TAFA1: variants seen among roughly 807,000 people sequenced by gnomAD.
TAFA1 encodes the protein chemokine-like protein TAFA-1.
TAFA1 carries 4 observed loss-of-function variants against 18.5 expected under a neutral mutation model. The ratio of observed to expected loss-of-function variants is 0.22; its 90% CI spans 0.11 to 0.49. TAFA1 has a LOEUF of 0.49. TAFA1 is among the 20% of genes least tolerant of loss of function. TAFA1 has a pLI of 0.98. For missense variants in TAFA1, 147 were observed against 169.0 expected, an observed-to-expected ratio of 0.87 and a Z score of 0.72; for synonymous variants, 56 against 55.2, an observed-to-expected ratio of 1.01 and a Z score of -0.06.
chr3:68,227,143 CTGTT>C (rs1325657833), intron 2 of TAFA1, among the ~76,000 whole-genome samples: 1 of 148,594 alleles, frequency 6.7e-6, no homozygotes, highest in East Asian at 1.9e-4. Context: ...CTCAAAATGT[CTGTT>C]TTTTTTTGTT....
chr3:68,163,765 T>C (rs547396134), intron 2 of TAFA1, among the ~76,000 whole-genome samples: 1 of 152,318 alleles, frequency 6.6e-6, no homozygotes, highest in South Asian at 2.1e-4. Context: ...ATGGATGAAC[T>C]AATTAAAGAG....
chr3:68,022,492 G>T (rs1257842289), intron 2 of TAFA1, among the ~76,000 whole-genome samples: 2 of 151,958 alleles, frequency 1.3e-5, no homozygotes, highest in African/African-American at 4.8e-5. Context: ...GTGGGGGGAA[G>T]GGTCTAAGAC....
intron 3 of TAFA1, among the ~76,000 whole-genome samples, chr3:68,424,140 CA>C (rs2071011152): frequency 6.6e-6 from 1 of 151,976 alleles, no homozygotes. Flanking sequence ...TGTGAAGAAA[CA>C]AAACTTACAA....
chr3:68,530,628 T>C (rs1201050948), intron 3 of TAFA1, among the ~76,000 whole-genome samples: 1 of 152,086 alleles, frequency 6.6e-6, no homozygotes, highest in Non-Finnish European at 1.5e-5. Flanking sequence ...TTTAATTAAC[T>C]CAGTTCTAGG....
At chr3:68,076,180 G>A (rs927761124) in intron 2 of TAFA1, among the ~76,000 whole-genome samples, 2 of 152,118 alleles carry the variant, frequency 1.3e-5, no homozygotes, top group Non-Finnish European at 2.9e-5. Context: ...TTTACTTGTG[G>A]TGTAGTGGTC....
At chr3:68,520,269 G>A (rs1473086) in intron 3 of TAFA1, among the ~76,000 whole-genome samples, 119,642 of 151,624 alleles carry the variant, frequency 0.79, 47,273 homozygotes, top group East Asian at 0.89. Flanking sequence ...CCTGTGGCTC[G>A]GGCTCAAGTA....
intron 2 of TAFA1, among the ~76,000 whole-genome samples, chr3:68,225,552 A>G (rs1317970872): frequency 1.3e-5 from 2 of 152,090 alleles, no homozygotes; most frequent in Non-Finnish European, 2.9e-5. Flanking sequence ...CAAGGTGTGG[A>G]TACTGATAGT....
chr3:68,527,963 C>T (rs1174735607), intron 3 of TAFA1, among the ~76,000 whole-genome samples: 1 of 152,010 alleles, frequency 6.6e-6, no homozygotes, highest in African/African-American at 2.4e-5. Flanking sequence ...GAATGCAATC[C>T]TAATGAATCT....
intron 2 of TAFA1, among the ~76,000 whole-genome samples, chr3:68,074,711 A>G (rs2064803267): frequency 6.6e-6 from 1 of 152,208 alleles, no homozygotes; most frequent in Non-Finnish European, 1.5e-5. Context: ...TTTATGGCAG[A>G]GCTGAAATTC....
chr3:68,076,021 AG>A (rs894844636), intron 2 of TAFA1, among the ~76,000 whole-genome samples: 2 of 152,184 alleles, frequency 1.3e-5, no homozygotes, highest in Admixed American at 1.3e-4. Flanking sequence ...CATAGGAAAA[AG>A]AAATCCATCC....
intron 2 of TAFA1, among the ~76,000 whole-genome samples, chr3:68,067,348 T>C (rs530925174): frequency 2.6e-5 from 4 of 152,202 alleles, no homozygotes; most frequent in African/African-American, 9.7e-5. Flanking sequence ...ATATTCATAG[T>C]TTCTCACAAG....
chr3:68,267,529 A>G (rs773709514), intron 2 of TAFA1, among the ~76,000 whole-genome samples: 1 of 152,166 alleles, frequency 6.6e-6, no homozygotes. Context: ...TATAGATGGA[A>G]GTGCTTTTGA....
chr3:68,178,201 CTATT>C (rs2066150390), intron 2 of TAFA1, among the ~76,000 whole-genome samples: 3 of 151,932 alleles, frequency 2.0e-5, no homozygotes, highest in Admixed American at 6.6e-5. Context: ...TATATGGTAA[CTATT>C]TATTATGTTG....
At chr3:68,363,920 CAG>C (rs1341848653) in intron 2 of TAFA1, among the ~76,000 whole-genome samples, 3 of 152,170 alleles carry the variant, frequency 2.0e-5, no homozygotes, top group Non-Finnish European at 2.9e-5. Context: ...TGCAGTGTCT[CAG>C]GGGTCACATT....
chr3:68,479,179 C>T (rs188996972), intron 3 of TAFA1, among the ~76,000 whole-genome samples: 7 of 140,436 alleles, frequency 5.0e-5, no homozygotes, highest in Non-Finnish European at 1.1e-4. Flanking sequence ...TGCAGTGAGC[C>T]GAGATTGTGC....
chr3:68,077,656 C>G (rs1281328381), intron 2 of TAFA1, among the ~76,000 whole-genome samples: 1 of 151,996 alleles, frequency 6.6e-6, no homozygotes, highest in Admixed American at 6.5e-5. Flanking sequence ...CTGTTCTGTT[C>G]CATTGATCTA....
chr3:68,170,203 G>A lies in TAFA1; in HGVS notation c.118+163459G>A, dbSNP rs141420816. Reference sequence around the variant, plus strand: ...CTTGAAAACCAATAGACACACAACCGTGGTACTTGTTAGAAACCAACAGTC... The same window carrying A: ...CTTGAAAACCAATAGACACACAACCATGGTACTTGTTAGAAACCAACAGTC... On this transcript the variant is annotated intron_variant, in intron 2 of 4. Coordinates refer to ENST00000478136, the MANE Select transcript of TAFA1 (RefSeq NM_213609.4). 4.7e-3 allele frequency among the ~76,000 whole-genome samples: 712 copies of A among 152,220 alleles called. 4 individuals are homozygous for A. The highest frequency in any genetic ancestry group is 5.4e-3 in the Non-Finnish European group (365 of 68,016).
At chr3:68,199,656 T>C (rs752998912) in intron 2 of TAFA1, among the ~76,000 whole-genome samples, 41 of 151,600 alleles carry the variant, frequency 2.7e-4, no homozygotes, top group Non-Finnish European at 5.3e-4. Context: ...CACCTGTTTG[T>C]TGCTGGTATA....
chr3:68,390,535 T>C (rs2106708736), intron 2 of TAFA1, among the ~76,000 whole-genome samples: 1 of 152,260 alleles, frequency 6.6e-6, no homozygotes, highest in Non-Finnish European at 1.5e-5. Flanking sequence ...TCAAGTGGGT[T>C]CCTGACCCCC....
Sources: allele counts gnomAD v4.1 joint callset (sites outside exome capture counted in the v4.1 genomes callset), GRCh38; gene constraint gnomAD v4.1.1; transcripts MANE v1.5; gene names NCBI Gene and HGNC (gene_info 2026-07-23, HGNC 2026-07-21).